Variants in NDRG1 observed in about 807,000 individuals in gnomAD.
The protein encoded by NDRG1 is protein NDRG1.
Under a neutral mutation model 56.9 loss-of-function variants are expected in NDRG1, and 32 were observed. That is an observed-to-expected ratio of 0.56 (90% CI 0.42 to 0.76). The LOEUF (loss-of-function observed/expected upper bound fraction) is 0.76, where lower values mean the gene tolerates loss of function less well. Ranked by LOEUF, NDRG1 falls within the 30% of genes least tolerant of loss-of-function variation. The probability of loss-of-function intolerance (pLI) is 0.00; values close to 1 mark genes in which losing one functional copy is unlikely to be tolerated. For synonymous variants in NDRG1, 211 were observed against 204.1 expected, an observed-to-expected ratio of 1.03 and a Z score of -0.29; for missense variants, 507 against 545.7, an observed-to-expected ratio of 0.93 and a Z score of 0.71.
At chr8:133,269,568 A>T (rs116782498) in intron 3 of NDRG1, among the ~76,000 whole-genome samples, 1 of 152,356 alleles carries the variant, frequency 6.6e-6, no homozygotes, top group African/African-American at 2.4e-5. Context: ...GAGAGAGATT[A>T]AGGACTTCAT....
chr8:133,258,919 T>C, intron 6 of NDRG1: 1 of 576,088 alleles, frequency 1.7e-6, no homozygotes, highest in South Asian at 2.0e-5. Context: ...CAAGAGCAAA[T>C]GGGTGGGGCA....
At position 133,238,850 on chromosome 8, in the gene NDRG1, G is replaced by C; in HGVS notation, c.*28C>G. On this transcript the variant is annotated 3_prime_UTR_variant, in exon 16 of 16. Coordinates refer to ENST00000323851, the MANE Select transcript of NDRG1 (RefSeq NM_006096.4). The stretch of plus-strand genomic sequence containing the variant: ...GGAGGGGGCCACTACAGAGATCAGA[G>C]TCCGGGGGCGGCAGCTGGGCAGGCC... The C allele has an allele frequency of 4.5e-6, 7 of 1,543,928 alleles. No individual in the cohort carries two copies. The highest frequency in any genetic ancestry group is 2.7e-5 in the African/African-American group (2 of 73,362).
chr8:133,244,793 T>C (rs1389114836), intron 13 of NDRG1: 2 of 311,190 alleles, frequency 6.4e-6, no homozygotes, highest in East Asian at 1.4e-4. Flanking sequence ...TCTTCATATA[T>C]TCCCTTGAAA....
chr8:133,287,528 C>A (rs1332656738), intron 1 of NDRG1, among the ~76,000 whole-genome samples: 1 of 152,254 alleles, frequency 6.6e-6, no homozygotes, highest in Non-Finnish European at 1.5e-5. Context: ...GACAGGCACT[C>A]CCTTGGGCTC....
intron 3 of NDRG1, among the ~76,000 whole-genome samples, chr8:133,269,428 G>A (rs562009434): frequency 6.6e-6 from 1 of 152,346 alleles, no homozygotes; most frequent in South Asian, 2.1e-4. Flanking sequence ...CAAGTCTAGA[G>A]GTGATGGCAG....
At chr8:133,276,036 C>T (rs551082067) in intron 3 of NDRG1, among the ~76,000 whole-genome samples, 1 of 152,326 alleles carries the variant, frequency 6.6e-6, no homozygotes, top group Admixed American at 6.5e-5. Flanking sequence ...TAAAGGAAGG[C>T]ACAATAGGGA....
chr8:133,268,652 A>G (rs1453752425), intron 3 of NDRG1, among the ~76,000 whole-genome samples: 1 of 152,082 alleles, frequency 6.6e-6, no homozygotes, highest in Admixed American at 6.5e-5. Flanking sequence ...TTTTATAGGT[A>G]AAGAAGTTGA....
At chr8:133,275,731 T>C (rs554303748) in intron 3 of NDRG1, among the ~76,000 whole-genome samples, 1 of 152,354 alleles carries the variant, frequency 6.6e-6, no homozygotes, top group African/African-American at 2.4e-5. Context: ...GTTTCAAATA[T>C]GTGCCCTGGA....
intron 1 of NDRG1, among the ~76,000 whole-genome samples, chr8:133,290,753 C>T (rs1858384532): frequency 6.6e-6 from 1 of 152,182 alleles, no homozygotes; most frequent in Admixed American, 6.5e-5. Flanking sequence ...GCATCTTGAA[C>T]TTTTCTCCCT....
intron 3 of NDRG1, among the ~76,000 whole-genome samples, chr8:133,268,636 A>G (rs753070423): frequency 6.6e-6 from 1 of 152,142 alleles, no homozygotes; most frequent in Non-Finnish European, 1.5e-5. Flanking sequence ...AGGCCCATCA[A>G]TCCCATTTTA....
chr8:133,274,160 C>A (rs1485398746), intron 3 of NDRG1, among the ~76,000 whole-genome samples: 2 of 152,218 alleles, frequency 1.3e-5, no homozygotes, highest in Admixed American at 1.3e-4. Flanking sequence ...AAGAGACCGC[C>A]TAAAGGCGAT....
rs531278223 is a variant in NDRG1 at position 133,294,327 on chromosome 8, C to T, written c.-19+2807G>A. ...CAATGGAGCAATACGATCCAGGCAA[C>T]GTTCTTGCGAGGATGAAGGCAGATG... On this transcript the variant is annotated intron_variant, in intron 1 of 15. Transcript: ENST00000323851. Among the ~76,000 whole-genome samples, 10 of 152,336 alleles carry T rather than the reference C, an allele frequency of 6.6e-5. No individual in the cohort carries two copies. In the South Asian group the frequency reaches 1.0e-3, roughly 16 times the overall value.
chr8:133,247,165 A>G (rs2977559), intron 12 of NDRG1, among the ~76,000 whole-genome samples: 83,884 of 152,020 alleles, frequency 0.55, 23,490 homozygotes, highest in East Asian at 0.65. Context: ...GATGTTCAAA[A>G]TGCTTAAAGT....
intron 8 of NDRG1, chr8:133,256,171 G>A (rs972393070): frequency 1.3e-5 from 2 of 154,450 alleles, no homozygotes; most frequent in South Asian, 2.0e-4. Flanking sequence ...TAGCCACACC[G>A]AGTCCTTACC....
intron 15 of NDRG1, among the ~76,000 whole-genome samples, chr8:133,241,719 T>C (rs1855392105): frequency 1.3e-5 from 2 of 152,236 alleles, no homozygotes. Context: ...TTTAAAAATG[T>C]TATTGTTTCA....
intron 15 of NDRG1, 30 bp downstream of exon 15, chr8:133,241,993 C>A (rs1440190967): frequency 1.9e-6 from 3 of 1,613,410 alleles, no homozygotes; most frequent in Non-Finnish European, 1.7e-6. Flanking sequence ...CATGCCCCGA[C>A]CCACTGCACA....
chr8:133,254,548 A>T lies in NDRG1; in HGVS notation c.585T>A (p.Leu195=), dbSNP rs373490199. ...QALPDMVVSH[L]FGKEEMQSNV... is the part of the protein sequence containing the mutation. ...AGACCACGCAACTCACCTTCCCAAA[A>T]AGGTGGGACACCACCATGTCCGGCA... is the stretch of plus-strand genomic sequence containing the variant. The change falls in exon 9 of 16, where the codon CTT becomes CTA. Residue 195 remains leucine (L), a synonymous_variant. Transcript: ENST00000323851. 6 of 1,614,014 alleles carry T rather than the reference A, an allele frequency of 3.7e-6. No homozygotes were observed. The highest frequency in any genetic ancestry group is 1.7e-5 in the Admixed American group (1 of 60,010).
chr8:133,294,735 C>A (rs574707247), intron 1 of NDRG1, among the ~76,000 whole-genome samples: 1 of 152,184 alleles, frequency 6.6e-6, no homozygotes, highest in Non-Finnish European at 1.5e-5. Context: ...TAAGCCCCTG[C>A]CCTTCAGGCT....
intron 3 of NDRG1, 83 bp downstream of exon 3, chr8:133,280,149 G>T: frequency 6.5e-7 from 1 of 1,528,946 alleles, no homozygotes; most frequent in Non-Finnish European, 9.0e-7. Context: ...TTTGCACAAT[G>T]ATCTACTTAA....
Sources: allele counts gnomAD v4.1 joint callset (sites outside exome capture counted in the v4.1 genomes callset), GRCh38; gene constraint gnomAD v4.1.1; transcripts MANE v1.5; gene names NCBI Gene and HGNC (gene_info 2026-07-23, HGNC 2026-07-21).